Variants in NFIB observed in about 807,000 individuals in gnomAD.
The protein encoded by NFIB is nuclear factor I B, also known as nuclear factor 1 B-type.
NFIB carries 11 observed loss-of-function variants against 61.5 expected under a neutral mutation model. The ratio of observed to expected loss-of-function variants is 0.18; its 90% CI spans 0.11 to 0.30. NFIB has a LOEUF of 0.30. NFIB is among the 10% of genes least tolerant of loss of function. The pLI, the probability that NFIB is intolerant of heterozygous loss-of-function variation, is 1.00. For missense variants in NFIB, 471 were observed against 608.9 expected (o/e 0.77, Z 2.38); for synonymous variants, 260 against 216.5 (o/e 1.20, Z -1.76).
chr9:14,171,542 T>C (rs1160168225), intron 3 of NFIB, among the ~76,000 whole-genome samples: 1 of 152,112 alleles, frequency 6.6e-6, no homozygotes, highest in Non-Finnish European at 1.5e-5. Flanking sequence ...GAGGTAAAAG[T>C]AAATTCAAGA....
the NFIB span, among the ~76,000 whole-genome samples, chr9:14,499,985 CA>C: frequency 6.6e-6 from 1 of 152,166 alleles, no homozygotes; most frequent in Admixed American, 6.5e-5. Context: ...ATAACAGATA[CA>C]AAGCTTCCAG....
intron 6 of NFIB, among the ~76,000 whole-genome samples, chr9:14,137,342 C>T (rs1048683916): frequency 2.6e-5 from 4 of 152,144 alleles, no homozygotes; most frequent in African/African-American, 9.7e-5. Context: ...TATACGGGGC[C>T]TCCAAGCACA....
the NFIB span, among the ~76,000 whole-genome samples, chr9:14,433,049 G>A: frequency 3.3e-5 from 5 of 152,002 alleles, no homozygotes; most frequent in Non-Finnish European, 1.5e-5. Context: ...GGGGTTAGGG[G>A]CATTAAAAAA....
At chr9:14,173,664 C>T (rs977868724) in intron 3 of NFIB, among the ~76,000 whole-genome samples, 3 of 152,080 alleles carry the variant, frequency 2.0e-5, no homozygotes, top group Non-Finnish European at 1.5e-5. Flanking sequence ...GTGTATTTTA[C>T]ACAAGGGCAA....
intron 3 of NFIB, among the ~76,000 whole-genome samples, chr9:14,170,866 G>C (rs2045487884): frequency 6.6e-6 from 1 of 152,152 alleles, no homozygotes; most frequent in Non-Finnish European, 1.5e-5. Flanking sequence ...CTATTTCTGT[G>C]CAAGCCCTCT....
At chr9:14,178,152 G>A (rs897646562) in intron 3 of NFIB, among the ~76,000 whole-genome samples, 3 of 152,154 alleles carry the variant, frequency 2.0e-5, no homozygotes, top group Admixed American at 2.0e-4. Flanking sequence ...TTTGTAAGAT[G>A]AGTAAGGAGA....
the NFIB span, among the ~76,000 whole-genome samples, chr9:14,424,043 G>C: frequency 5.2e-3 from 784 of 152,134 alleles, 5 homozygotes; most frequent in Non-Finnish European, 5.7e-3. Flanking sequence ...GGGTATGCTT[G>C]CTTGTTTACA....
intron 2 of NFIB, among the ~76,000 whole-genome samples, chr9:14,224,730 T>A (rs886527612): frequency 6.6e-6 from 1 of 152,156 alleles, no homozygotes. Flanking sequence ...GTGTTTGGTA[T>A]CCCCAGTGGG....
Position 14,381,208 on chromosome 9 carries a change from T to C in NFIB, c.108+17316A>G, listed in dbSNP as rs149182334. ...GTTTCTTTCTTTTTCTTTTTTCTTT[T>C]TGAGACAGAGTCTCCCTCTGTCGCC... On this transcript the variant is annotated intron_variant, in intron 1 of 8. Transcript: ENST00000380934. Among the ~76,000 whole-genome samples, 22 of 152,288 alleles carry C rather than the reference T, an allele frequency of 1.4e-4. 1 individual carries two copies. The East Asian group carries it at 4.3e-3, about 29-fold the overall frequency.
the NFIB span, among the ~76,000 whole-genome samples, chr9:14,404,965 A>G: frequency 6.6e-6 from 1 of 152,198 alleles, no homozygotes; most frequent in Non-Finnish European, 1.5e-5. Context: ...GACTCCGTGT[A>G]GTTTTTTACC....
chr9:14,345,877 T>C (rs181264430), intron 1 of NFIB, among the ~76,000 whole-genome samples: 114 of 152,302 alleles, frequency 7.5e-4, no homozygotes, highest in African/African-American at 2.7e-3. Context: ...GTTCCACGAA[T>C]GTCGCTGCAC....
At chr9:14,270,686 C>G (rs2057539216) in intron 2 of NFIB, among the ~76,000 whole-genome samples, 1 of 148,968 alleles carries the variant, frequency 6.7e-6, no homozygotes, top group African/African-American at 2.5e-5. Context: ...TGTTCCAAGA[C>G]TGATTTTAAT....
At chr9:14,214,359 C>G (rs78934557) in intron 2 of NFIB, among the ~76,000 whole-genome samples, 5,322 of 152,326 alleles carry the variant, frequency 0.035, 272 homozygotes, top group Admixed American at 0.15. Flanking sequence ...GCTTCATGCT[C>G]TTCTGTCACC....
chr9:14,185,859 A>G (rs12353469), intron 2 of NFIB, among the ~76,000 whole-genome samples: 8,559 of 152,258 alleles, frequency 0.056, 712 homozygotes, highest in African/African-American at 0.18. Flanking sequence ...TGGAAACAAG[A>G]TAGGGTGGAT....
At chr9:14,254,512 T>G (rs2056007879) in intron 2 of NFIB, among the ~76,000 whole-genome samples, 1 of 152,136 alleles carries the variant, frequency 6.6e-6, no homozygotes, top group Non-Finnish European at 1.5e-5. Flanking sequence ...GAGACACGCA[T>G]CTTCAGGGAT....
chr9:14,476,052 A>G, the NFIB span, among the ~76,000 whole-genome samples: 2 of 152,206 alleles, frequency 1.3e-5, no homozygotes, highest in Admixed American at 1.3e-4. Context: ...CAGAACAATA[A>G]GTCAATGCCA....
intron 2 of NFIB, among the ~76,000 whole-genome samples, chr9:14,196,575 T>C (rs1181741888): frequency 6.6e-6 from 1 of 151,900 alleles, no homozygotes; most frequent in East Asian, 1.9e-4. Context: ...CAACAGTAAT[T>C]AGGAGCATCA....
intron 2 of NFIB, among the ~76,000 whole-genome samples, chr9:14,252,059 T>C (rs1035000293): frequency 6.6e-6 from 1 of 152,224 alleles, no homozygotes; most frequent in African/African-American, 2.4e-5. Context: ...GGTACATGCA[T>C]GTAAGGAGTA....
At chr9:14,245,798 G>T (rs761239708) in intron 2 of NFIB, among the ~76,000 whole-genome samples, 4 of 151,976 alleles carry the variant, frequency 2.6e-5, no homozygotes, top group African/African-American at 9.7e-5. Flanking sequence ...GCTTGAACCC[G>T]GGAGGCAGAC....
Sources: allele counts gnomAD v4.1 joint callset (sites outside exome capture counted in the v4.1 genomes callset), GRCh38; gene constraint gnomAD v4.1.1; transcripts MANE v1.5; gene names NCBI Gene and HGNC (gene_info 2026-07-23, HGNC 2026-07-21).